ERAP1: variants seen among roughly 807,000 people sequenced by gnomAD.
ERAP1 encodes endoplasmic reticulum aminopeptidase 1, also known as adipocyte-derived leucine aminopeptidase.
In ERAP1, 86 loss-of-function variants were observed where a neutral mutation model predicts 103.7. The ratio of observed to expected loss-of-function variants is 0.83; its 90% CI spans 0.70 to 0.99. ERAP1 has a LOEUF of 0.99. ERAP1 is among the 50% of genes least tolerant of loss of function. The probability of loss-of-function intolerance (pLI) is 0.00; values close to 1 mark genes in which losing one functional copy is unlikely to be tolerated. For synonymous variants in ERAP1, 398 were observed against 402.4 expected (o/e 0.99, Z 0.13); for missense variants, 1,009 against 1,128.4 (o/e 0.89, Z 1.52).
At chr5:96,910,525 G>GT in the ERAP1 span, among the ~76,000 whole-genome samples, 1 of 150,992 alleles carries the variant, frequency 6.6e-6, no homozygotes, top group East Asian at 1.9e-4. Context: ...TCAATGGGTT[G>GT]TATGAGTGAA....
At chr5:96,861,647 A>G in the ERAP1 span, among the ~76,000 whole-genome samples, 1 of 152,198 alleles carries the variant, frequency 6.6e-6, no homozygotes, top group Non-Finnish European at 1.5e-5. Context: ...AGGCTTCATC[A>G]CATACCATCT....
chr5:96,851,729 A>T, the ERAP1 span, among the ~76,000 whole-genome samples: 2 of 152,174 alleles, frequency 1.3e-5, no homozygotes, highest in African/African-American at 4.8e-5. Flanking sequence ...AAATTCTATG[A>T]CAGGCTATTC....
chr5:96,926,735 C>T, the ERAP1 span, among the ~76,000 whole-genome samples: 1 of 152,144 alleles, frequency 6.6e-6, no homozygotes, highest in African/African-American at 2.4e-5. Context: ...ATCCATTCAT[C>T]AGTTGATGGA....
the ERAP1 span, chr5:96,903,324 T>A: frequency 1.4e-6 from 2 of 1,389,310 alleles, no homozygotes; most frequent in Non-Finnish European, 2.0e-6. Context: ...TCTGGAGATG[T>A]TCTGAATAAG....
At chr5:96,835,807 C>T in the ERAP1 span, among the ~76,000 whole-genome samples, 1 of 152,130 alleles carries the variant, frequency 6.6e-6, no homozygotes, top group Non-Finnish European at 1.5e-5. Context: ...GCAGGGTCTT[C>T]AAAAGGAGGG....
In ERAP1 at chr5:96,793,956, A is replaced by G. The variant is rs1165305431; in HGVS notation, c.921T>C (p.Asp307=). ...FSIPYPLPKQ[D]LAAIPDFQSG... ...ACTGAAAGTCGGGAATAGCAGCAAG[A>G]TCTTGGGAAGGAAGTAATAAAATAC... is the stretch of plus-strand genomic sequence containing the variant. Residue 307 remains aspartate, a splice_region_variant and synonymous_variant, in exon 6 of 19, where the codon GAT becomes GAC. Coordinates refer to ENST00000443439, the MANE Select transcript of ERAP1 (RefSeq NM_001040458.3). The G allele has an allele frequency of 5.6e-6, 9 of 1,614,028 alleles. No individual in the cohort carries two copies. The highest frequency in any genetic ancestry group is 7.6e-6 in the Non-Finnish European group (9 of 1,179,924).
At chr5:96,803,973 T>C in intron 1 of ERAP1, 30 bp from the exon 2 acceptor site, 1 of 1,596,018 alleles carries the variant, frequency 6.3e-7, no homozygotes. Context: ...AAAGCAAAAA[T>C]ATATGTCATT....
chr5:96,904,572 A>G, the ERAP1 span, among the ~76,000 whole-genome samples: 1 of 152,318 alleles, frequency 6.6e-6, no homozygotes, highest in East Asian at 1.9e-4. Flanking sequence ...CAAAATTAGG[A>G]AAAACACCAT....
At chr5:96,891,544 AC>A in the ERAP1 span, among the ~76,000 whole-genome samples, 1 of 145,592 alleles carries the variant, frequency 6.9e-6, no homozygotes, top group African/African-American at 2.6e-5. Context: ...ATACACACAC[AC>A]ACACACACAC....
At position 96,782,746 on chromosome 5, in the gene ERAP1, A is replaced by C. The variant is rs116926482; in HGVS notation, c.2285+305T>G. On this transcript the variant is annotated intron_variant, in intron 15 of 18. Transcript: ENST00000443439. ...AAGAAACTACTATAAAATACAATGC[A>C]TGTGTTTCTCTATGGCATGGCTGTC... 3.3e-3 allele frequency among the ~76,000 whole-genome samples: 504 copies of C among 152,354 alleles called. 9 individuals carry two copies. The highest frequency in any genetic ancestry group is 0.022 in the Admixed American group (343 of 15,310).
At chr5:96,810,564 G>A (rs1006236074), upstream of ERAP1, among the ~76,000 whole-genome samples, 1 of 152,210 alleles carries the variant, frequency 6.6e-6, no homozygotes, top group African/African-American at 2.4e-5. Flanking sequence ...CCAGAACAAG[G>A]AGGGGTTGGT....
the ERAP1 span, among the ~76,000 whole-genome samples, chr5:96,891,618 C>T: frequency 2.0e-5 from 3 of 150,782 alleles, no homozygotes; most frequent in East Asian, 5.9e-4. Flanking sequence ...GTGCATTATA[C>T]CTGAGTTGTT....
chr5:96,886,727 CTT>C, the ERAP1 span: 71 of 1,547,296 alleles, frequency 4.6e-5, no homozygotes, highest in Middle Eastern at 6.9e-4. Flanking sequence ...GAGTACATAC[CTT>C]GTAGCCTACA....
chr5:96,803,137 A>C (rs1462746147), intron 2 of ERAP1, among the ~76,000 whole-genome samples: 1 of 152,210 alleles, frequency 6.6e-6, no homozygotes, highest in African/African-American at 2.4e-5. Context: ...AAACATGTTT[A>C]TTATGTCTCA....
chr5:96,814,105 C>T, the ERAP1 span: 1 of 348,438 alleles, frequency 2.9e-6, no homozygotes, highest in Non-Finnish European at 5.7e-6. Flanking sequence ...AAGATGATGA[C>T]TGGAGCTGCA....
the ERAP1 span, among the ~76,000 whole-genome samples, chr5:96,816,299 G>A: frequency 5.3e-5 from 8 of 152,148 alleles, no homozygotes; most frequent in Non-Finnish European, 7.3e-5. Flanking sequence ...ATTAAAATAT[G>A]GGTATGTACT....
chr5:96,862,043 C>T, the ERAP1 span, among the ~76,000 whole-genome samples: 3 of 152,158 alleles, frequency 2.0e-5, no homozygotes, highest in Non-Finnish European at 4.4e-5. Flanking sequence ...TGCAATAGTG[C>T]AATCATGGCT....
chr5:96,890,086 G>T, the ERAP1 span, among the ~76,000 whole-genome samples: 7 of 152,102 alleles, frequency 4.6e-5, no homozygotes, highest in Non-Finnish European at 7.4e-5. Context: ...GTGGTAGTAG[G>T]TCTTTACATG....
chr5:96,818,348 C>T, the ERAP1 span, among the ~76,000 whole-genome samples: 9 of 152,160 alleles, frequency 5.9e-5, no homozygotes, highest in East Asian at 1.5e-3. Flanking sequence ...CTGGCCACCG[C>T]GATGAGGCCA....
Sources: gnomAD v4.1 joint callset for allele counts (sites outside exome capture counted in the v4.1 genomes callset) on GRCh38, gnomAD v4.1.1 for gene constraint, MANE v1.5 for transcripts, NCBI Gene and HGNC (gene_info 2026-07-23, HGNC 2026-07-21) for gene names.